Variants in PEAK1 observed in about 807,000 individuals in gnomAD.
PEAK1 encodes pseudopodium enriched atypical kinase 1, also known as inactive tyrosine-protein kinase PEAK1.
Under a neutral mutation model 124.7 loss-of-function variants are expected in PEAK1, and 54 were observed. The ratio of observed to expected loss-of-function variants is 0.43; its 90% CI spans 0.35 to 0.54. The LOEUF is 0.54. Ranked by LOEUF, PEAK1 falls within the 20% of genes least tolerant of loss-of-function variation. The pLI, the probability that PEAK1 is intolerant of heterozygous loss-of-function variation, is 0.01. For missense variants in PEAK1, 2,046 were observed against 2,134.5 expected (o/e 0.96, Z 0.82); for synonymous variants, 719 against 760.0 (o/e 0.95, Z 0.89).
At chr15:77,170,245 A>G (rs1002772439) in intron 7 of PEAK1, among the ~76,000 whole-genome samples, 1 of 152,148 alleles carries the variant, frequency 6.6e-6, no homozygotes. Context: ...ATACTAGTCT[A>G]TCTACTTCTG....
rs766843076 is a variant in PEAK1 at position 77,180,191 on chromosome 15, G to A, written c.1736C>T (p.Ser579Phe). ...APTSPTATNISSKTIPVKSPN... is the reference protein window; with the variant it reads ...APTSPTATNIFSKTIPVKSPN... ...TGACTTAACAGGGATGGTTTTGGAG[G>A]AAATGTTTGTAGCTGTGGGTGATGT... The change falls in exon 7 of 10, where the codon TCC becomes TTC. Residue 579 changes from serine (S) to phenylalanine (F), a missense_variant. Coordinates refer to ENST00000682557, the MANE Select transcript of PEAK1 (RefSeq NM_001385026.1). 3.1e-6 allele frequency: 5 copies of A among 1,614,008 alleles called. No individual in the cohort carries two copies. The highest frequency in any genetic ancestry group is 3.3e-5 in the Admixed American group (2 of 59,984).
chr15:77,119,577 G>A (rs1302527454), intron 9 of PEAK1, among the ~76,000 whole-genome samples: 1 of 152,084 alleles, frequency 6.6e-6, no homozygotes, highest in Non-Finnish European at 1.5e-5. Flanking sequence ...GGGGAGAGGG[G>A]AAACAACATA....
chr15:77,195,560 T>G (rs1193894568), intron 6 of PEAK1, among the ~76,000 whole-genome samples: 2 of 152,196 alleles, frequency 1.3e-5, no homozygotes, highest in African/African-American at 4.8e-5. Flanking sequence ...TTCTTTCATT[T>G]TCCCCTCTCT....
chr15:77,225,443 T>C (rs1339090898), intron 6 of PEAK1, among the ~76,000 whole-genome samples: 2 of 151,804 alleles, frequency 1.3e-5, no homozygotes, highest in African/African-American at 4.8e-5. Context: ...TAAACCATAA[T>C]GCCAAGCTTG....
chr15:77,114,851 C>A lies in PEAK1; in HGVS notation c.4546G>T (p.Asp1516Tyr). ...AGTAGCAGGTTCTCTAGGCGTAGAT[C>A]GCAGTGAGTGACATGGTAGGGTTTG... ...HLKPYHVTHC[D>Y]LRLENLLLVH... The change falls in exon 10 of 10, where the codon GAT becomes TAT. Residue 1516 changes from aspartate (D) to tyrosine (Y), a missense_variant. By Grantham distance (160) the Asp-to-Tyr change is radical. Coordinates refer to ENST00000682557, the MANE Select transcript of PEAK1 (RefSeq NM_001385026.1). 1.2e-6 allele frequency: 2 copies of A among 1,613,518 alleles called. No individual in the cohort carries two copies. The highest frequency in any genetic ancestry group is 8.5e-7 in the Non-Finnish European group (1 of 1,179,958).
intron 2 of PEAK1, among the ~76,000 whole-genome samples, chr15:77,319,689 G>A (rs2065078912): frequency 6.6e-6 from 1 of 152,104 alleles, no homozygotes; most frequent in African/African-American, 2.4e-5. Context: ...TAAAAATATT[G>A]AATGTGGACC....
intron 2 of PEAK1, among the ~76,000 whole-genome samples, chr15:77,315,787 G>A (rs1046518887): frequency 1.3e-5 from 2 of 151,510 alleles, no homozygotes; most frequent in African/African-American, 4.8e-5. Flanking sequence ...AAATTGTCAA[G>A]AACATAAAAA....
intron 1 of PEAK1, among the ~76,000 whole-genome samples, chr15:77,378,188 T>TTATATATATATATATATA (rs758426465): frequency 3.2e-4 from 42 of 129,688 alleles, no homozygotes; most frequent in East Asian, 1.9e-3. Context: ...TATAACAATA[T>TTATATATATATATATATA]TATATATATA....
At position 77,281,225 on chromosome 15, in the gene PEAK1, G is replaced by T. The variant is rs16968742; in HGVS notation, c.-275+2658C>A. 4.8e-3 allele frequency among the ~76,000 whole-genome samples: 730 copies of T among 152,216 alleles called. 4 individuals are homozygous for T. Among genetic ancestry groups the T allele is most frequent in the African/African-American group, 0.016 (676 of 41,542 alleles). ...CCATGTCTATATTTGCTGTAAAAAA[G>T]TATGTGAACTGCCATTTCTGCCAGC... On this transcript the variant is annotated intron_variant, in intron 5 of 9. Transcript: ENST00000682557.
chr15:77,410,099 T>C (rs2072276432), intron 1 of PEAK1, among the ~76,000 whole-genome samples: 1 of 151,646 alleles, frequency 6.6e-6, no homozygotes, highest in South Asian at 2.1e-4. Context: ...TAGACAGAGT[T>C]TCGCTCTTTT....
chr15:77,328,298 T>A (rs2065697221), intron 2 of PEAK1, among the ~76,000 whole-genome samples: 1 of 152,182 alleles, frequency 6.6e-6, no homozygotes, highest in African/African-American at 2.4e-5. Flanking sequence ...GCACAAGTAC[T>A]TATTTTGAAT....
At chr15:77,173,060 G>A (rs2056617184) in intron 7 of PEAK1, among the ~76,000 whole-genome samples, 1 of 152,028 alleles carries the variant, frequency 6.6e-6, no homozygotes, top group Admixed American at 6.6e-5. Flanking sequence ...GGCCCACCAA[G>A]CACATTAAGT....
chr15:77,123,819 C>G (rs1286851449), intron 9 of PEAK1, among the ~76,000 whole-genome samples: 1 of 151,928 alleles, frequency 6.6e-6, no homozygotes, highest in African/African-American at 2.4e-5. Flanking sequence ...TTTAAGTTAA[C>G]GGCAGAAGGC....
intron 6 of PEAK1, among the ~76,000 whole-genome samples, chr15:77,249,273 T>C (rs373697122): frequency 6.6e-6 from 1 of 152,136 alleles, no homozygotes; most frequent in Non-Finnish European, 1.5e-5. Flanking sequence ...GAGACAGATA[T>C]CAAATTATTC....
rs1407257539 is a variant in PEAK1, at chr15:77,363,187, G to A, written c.-603+1976C>T. ...TTTAGCTTGATCATAAACAATTACA[G>A]TCTTTACCTGGCAGGCTTCACAGGA... On this transcript the variant is annotated intron_variant, in intron 2 of 9. Transcript: ENST00000682557. Among the ~76,000 whole-genome samples, 4 of 152,106 alleles carry A rather than the reference G, an allele frequency of 2.6e-5. No individual in the cohort carries two copies. In the East Asian group the frequency reaches 7.7e-4, roughly 29 times the overall value.
intron 5 of PEAK1, among the ~76,000 whole-genome samples, chr15:77,253,689 T>C (rs1350235161): frequency 1.3e-5 from 2 of 152,210 alleles, no homozygotes; most frequent in African/African-American, 4.8e-5. Context: ...CTTACAACTT[T>C]TTACTAATGT....
chr15:77,101,277 A>G (rs2152701145), exon 7 of PEAK1: 1 of 152,330 alleles, frequency 6.6e-6, no homozygotes, highest in East Asian at 1.9e-4. Context: ...ACTGTTAACC[A>G]GGCTTTCTGA....
rs534640793 is a variant in PEAK1 at position 77,131,355 on chromosome 15, T to C, written c.4077+1650A>G. Among the ~76,000 whole-genome samples the C allele has an allele frequency of 1.4e-4, 21 of 152,328 alleles. No homozygotes were observed. In the South Asian group the frequency reaches 3.9e-3, roughly 29 times the overall value. ...TAAAAATACAAAAATTAGCTGGGCATGGTGGTGCACACCTATAGTCCCAGC... is the reference window on the plus strand; with the variant it reads ...TAAAAATACAAAAATTAGCTGGGCACGGTGGTGCACACCTATAGTCCCAGC... On this transcript the variant is annotated intron_variant, in intron 9 of 9. Transcript: ENST00000682557.
At chr15:77,334,606 C>A in intron 2 of PEAK1, 1 of 985,280 alleles carries the variant, frequency 1.0e-6, no homozygotes, top group Non-Finnish European at 1.2e-6. Flanking sequence ...TAAATGCCTA[C>A]AATTACGAAA....
Sources: allele counts gnomAD v4.1 joint callset (sites outside exome capture counted in the v4.1 genomes callset), GRCh38; gene constraint gnomAD v4.1.1; transcripts MANE v1.5; gene names NCBI Gene and HGNC (gene_info 2026-07-23, HGNC 2026-07-21).